Variants in WNK2 observed in about 807,000 individuals in gnomAD.
The protein encoded by WNK2 is WNK lysine deficient protein kinase 2.
In WNK2, 67 loss-of-function variants were observed where a neutral mutation model predicts 192.1. That is an observed-to-expected ratio of 0.35 (90% CI 0.29 to 0.43). WNK2 has a LOEUF of 0.43. Ranked by LOEUF, WNK2 falls within the 20% of genes least tolerant of loss-of-function variation. The pLI, the probability that WNK2 is intolerant of heterozygous loss-of-function variation, is 1.00. For synonymous variants in WNK2, 1,439 were observed against 1,393.9 expected (o/e 1.03, Z -0.72); for missense variants, 2,698 against 3,089.7 (o/e 0.87, Z 3.01).
chr9:93,300,957 CACTTT>C (rs1048218961), intron 26 of WNK2, among the ~76,000 whole-genome samples: 1 of 152,216 alleles, frequency 6.6e-6, no homozygotes, highest in Non-Finnish European at 1.5e-5. Context: ...CCAGTGGGAG[CACTTT>C]ACTTGCTGTA....
In WNK2 at chr9:93,299,062, C is replaced by T. The variant is rs377392911; in HGVS notation, c.5924-8C>T. On this transcript the variant is annotated splice_region_variant and splice_polypyrimidine_tract_variant and intron_variant, in intron 24 of 29. Coordinates refer to ENST00000427277, the MANE Select transcript of WNK2 (RefSeq NM_006648.4). ...ATCGTGCCTGTCGCCTCTTCTCCCC[C>T]CGCCCAGGTCACTTGGCTGACTCCA... The T allele has an allele frequency of 1.9e-6, 3 of 1,607,748 alleles. No individual in the cohort carries two copies. In the East Asian group the frequency reaches 6.7e-5, roughly 36 times the overall value.
At chr9:93,193,053 G>C (rs548217286) in intron 2 of WNK2, among the ~76,000 whole-genome samples, 4 of 152,246 alleles carry the variant, frequency 2.6e-5, no homozygotes, top group Non-Finnish European at 5.9e-5. Flanking sequence ...AGGGGTTTGG[G>C]CCGTGTGTCT....
In WNK2 at chr9:93,234,802, G is replaced by T. The variant is rs754623222; in HGVS notation, c.1076-6G>T. ...TGACAGCTGCGTCTGTTGCTTCCGG[G>T]CACAGGTACTCCCGAGTTCATGGCG... On this transcript the variant is annotated splice_polypyrimidine_tract_variant and splice_region_variant and intron_variant, in intron 4 of 29. Transcript: ENST00000427277. 19 of 1,610,334 alleles carry T rather than the reference G, an allele frequency of 1.2e-5. No individual in the cohort carries two copies. The highest frequency in any genetic ancestry group is 1.6e-5 in the Non-Finnish European group (19 of 1,177,066).
chr9:93,258,827 C>T (rs1843718716), intron 11 of WNK2, 104 bp from the exon 12 acceptor site: 11 of 998,996 alleles, frequency 1.1e-5, no homozygotes, highest in East Asian at 1.0e-4. Flanking sequence ...GTCTTCATCC[C>T]GTGTCCCCTC....
intron 27 of WNK2, chr9:93,308,048 T>G: frequency 1.9e-6 from 1 of 519,430 alleles, no homozygotes; most frequent in Non-Finnish European, 3.4e-6. Context: ...GGGCACAGAG[T>G]GGATGCTGAG....
intron 29 of WNK2, 68 bp from the exon 30 acceptor site, chr9:93,320,299 G>C: frequency 7.3e-7 from 1 of 1,364,198 alleles, no homozygotes; most frequent in Non-Finnish European, 9.8e-7. Flanking sequence ...GGGTGTCAGG[G>C]CCTGGCCCTT....
chr9:93,247,791 C>T lies in WNK2; in HGVS notation c.1791C>T (p.His597=). 6.5e-7 allele frequency: 1 copy of T among 1,546,036 alleles called. No individual in the cohort carries two copies. Among genetic ancestry groups the T allele is most frequent in the Non-Finnish European group, 8.7e-7 (1 of 1,148,350 alleles). Residue 597 remains histidine (H), a synonymous_variant, in exon 8 of 30, where the codon CAC becomes CAT. Coordinates refer to ENST00000427277, the MANE Select transcript of WNK2 (RefSeq NM_006648.4). The surrounding 1 kb of genome is among the most constrained non-coding windows in gnomAD (Gnocchi z 5.2). ...CCGAGGAGCCGGAGGCCGACCAGCA[C>T]CTCCTGCCACCTACGTTGCCGACCA... ...PEPEEPEADQ[H]LLPPTLPTSA...
intron 29 of WNK2, 134 bp downstream of exon 29, chr9:93,317,765 G>A (rs761386273): frequency 6.8e-7 from 1 of 1,473,424 alleles, no homozygotes; most frequent in East Asian, 2.5e-5. Flanking sequence ...AGGGCAGCTG[G>A]AACACCCCCC....
At chr9:93,212,174 G>A (rs548331337) in intron 2 of WNK2, among the ~76,000 whole-genome samples, 2 of 152,314 alleles carry the variant, frequency 1.3e-5, no homozygotes, top group Admixed American at 1.3e-4. Context: ...CTCTTCAATT[G>A]TGGGAGGTGC....
chr9:93,315,968 A>G (rs1372637592), intron 28 of WNK2: 1 of 152,180 alleles, frequency 6.6e-6, no homozygotes, highest in Non-Finnish European at 1.5e-5. Context: ...GCCATCTCAA[A>G]TGAACTCTTG....
At chr9:93,201,128 A>G (rs142302946) in intron 2 of WNK2, among the ~76,000 whole-genome samples, 218 of 152,202 alleles carry the variant, frequency 1.4e-3, no homozygotes, top group African/African-American at 4.9e-3. Context: ...CATCCTTTCC[A>G]TCCTGTGGCT....
chr9:93,270,786 C>A (rs1440786822), intron 19 of WNK2, among the ~76,000 whole-genome samples: 1 of 152,150 alleles, frequency 6.6e-6, no homozygotes, highest in African/African-American at 2.4e-5. Context: ...CAGCAGGTAA[C>A]AGGAACATGC....
At chr9:93,299,352 G>C in intron 25 of WNK2, 91 bp downstream of exon 25, 1 of 1,362,344 alleles carries the variant, frequency 7.3e-7, no homozygotes, top group South Asian at 1.7e-5. Flanking sequence ...GTGTAGAGGG[G>C]TTGCAAGCTG....
intron 28 of WNK2, chr9:93,316,627 A>G (rs1048483032): frequency 2.0e-5 from 3 of 152,210 alleles, no homozygotes; most frequent in Non-Finnish European, 2.9e-5. Context: ...ATTTGCTATT[A>G]GTTCTAGAAA....
At chr9:93,195,081 G>A (rs1831001667) in intron 2 of WNK2, among the ~76,000 whole-genome samples, 1 of 151,988 alleles carries the variant, frequency 6.6e-6, no homozygotes, top group Admixed American at 6.5e-5. Context: ...GGATGAAGAG[G>A]CAGATTTGTG....
chr9:93,213,511 C>T lies in WNK2; in HGVS notation c.682-16185C>T, dbSNP rs553379775. ...TCATTTATAAATTTTTAGTCTTGGCCGGGCATGGTGGCTCACACCTGTAAT... is the reference window on the plus strand; with the variant it reads ...TCATTTATAAATTTTTAGTCTTGGCTGGGCATGGTGGCTCACACCTGTAAT... On this transcript the variant is annotated intron_variant, in intron 2 of 29. Coordinates refer to ENST00000427277, the MANE Select transcript of WNK2 (RefSeq NM_006648.4). Among the ~76,000 whole-genome samples the T allele has an allele frequency of 1.3e-3, 196 of 152,216 alleles. 1 individual carries two copies. The highest frequency in any genetic ancestry group is 4.4e-3 in the African/African-American group (181 of 41,520).
chr9:93,246,512 C>T (rs1404327048), intron 7 of WNK2, among the ~76,000 whole-genome samples: 1 of 152,234 alleles, frequency 6.6e-6, no homozygotes, highest in Non-Finnish European at 1.5e-5. Context: ...CCAACAGCTC[C>T]AATTCCCACC....
chr9:93,283,287 A>G (rs1205145391), intron 19 of WNK2, among the ~76,000 whole-genome samples: 1 of 152,196 alleles, frequency 6.6e-6, no homozygotes, highest in Non-Finnish European at 1.5e-5. Context: ...AGAAAGGAGA[A>G]AGTAAAATAG....
intron 2 of WNK2, among the ~76,000 whole-genome samples, chr9:93,219,083 G>T (rs779132118): frequency 1.6e-4 from 25 of 152,252 alleles, no homozygotes; most frequent in Non-Finnish European, 3.5e-4. Context: ...AAGCCCACCT[G>T]TAGACAGGAG....
Sources: gnomAD v4.1 joint callset for allele counts (sites outside exome capture counted in the v4.1 genomes callset) on GRCh38, gnomAD v4.1.1 for gene constraint, Gnocchi (gnomAD v3.1) non-coding constraint, MANE v1.5 for transcripts, NCBI Gene and HGNC (gene_info 2026-07-23, HGNC 2026-07-21) for gene names.